PCCA: variants seen among roughly 807,000 people sequenced by gnomAD.
The protein encoded by PCCA is propionyl-CoA carboxylase alpha chain, mitochondrial.
In PCCA, 74 loss-of-function variants were observed where a neutral mutation model predicts 101.3. The observed-to-expected ratio is 0.73, with a 90% CI of 0.61 to 0.89. The LOEUF (loss-of-function observed/expected upper bound fraction) is 0.89. PCCA is among the 40% of genes least tolerant of loss of function. The pLI, the probability that PCCA is intolerant of heterozygous loss-of-function variation, is 0.00. For synonymous variants in PCCA, 294 were observed against 313.6 expected (o/e 0.94, Z 0.66); for missense variants, 891 against 907.0 (o/e 0.98, Z 0.23).
intron 18 of PCCA, among the ~76,000 whole-genome samples, chr13:100,348,795 C>CTCT (rs1566976765): frequency 1.5e-3 from 86 of 58,792 alleles, no homozygotes; most frequent in African/African-American, 2.9e-3. Context: ...TTTCTTCCTT[C>CTCT]CTTCCTTCCT....
At chr13:100,503,449 C>G (rs780912251) in intron 21 of PCCA, among the ~76,000 whole-genome samples, 12 of 152,164 alleles carry the variant, frequency 7.9e-5, no homozygotes, top group Non-Finnish European at 1.3e-4. Context: ...GAGGTTGCGC[C>G]ATTGCACTCC....
intron 18 of PCCA, among the ~76,000 whole-genome samples, chr13:100,344,238 C>G (rs181850044): frequency 6.6e-6 from 1 of 152,004 alleles, no homozygotes; most frequent in Non-Finnish European, 1.5e-5. Context: ...AAATTGTATT[C>G]GAAACTTGAG....
At chr13:100,123,212 T>G (rs1211288402) in intron 4 of PCCA, among the ~76,000 whole-genome samples, 1 of 152,130 alleles carries the variant, frequency 6.6e-6, no homozygotes, top group Non-Finnish European at 1.5e-5. Flanking sequence ...CCTGCCACCA[T>G]GCCTGGCTAG....
intron 12 of PCCA, among the ~76,000 whole-genome samples, chr13:100,288,999 T>C (rs568262384): frequency 7.0e-4 from 107 of 152,298 alleles, no homozygotes; most frequent in African/African-American, 2.5e-3. Flanking sequence ...CAGTTGTTCC[T>C]CTCTTGGCTG....
intron 21 of PCCA, among the ~76,000 whole-genome samples, chr13:100,488,923 A>G (rs568013805): frequency 6.6e-6 from 1 of 152,136 alleles, no homozygotes; most frequent in South Asian, 2.1e-4. Context: ...AGCTATTAAC[A>G]TGCCCTGAAA....
chr13:100,204,442 A>G (rs2058732499), intron 6 of PCCA, among the ~76,000 whole-genome samples: 1 of 152,154 alleles, frequency 6.6e-6, no homozygotes, highest in East Asian at 1.9e-4. Flanking sequence ...GCCCAGCCCC[A>G]TGGCTGTCTT....
chr13:100,114,561 G>T (rs1170839731), intron 4 of PCCA, among the ~76,000 whole-genome samples: 1 of 152,192 alleles, frequency 6.6e-6, no homozygotes, highest in East Asian at 1.9e-4. Flanking sequence ...TCGTGCCACT[G>T]CGCTGTAGCG....
chr13:100,152,770 G>A lies in PCCA; in HGVS notation c.301-2209G>A, dbSNP rs112414562. On this transcript the variant is annotated intron_variant, in intron 4 of 23. Coordinates refer to ENST00000376285, the MANE Select transcript of PCCA (RefSeq NM_000282.4). The stretch of plus-strand genomic sequence containing the variant: ...CTAGTTCTTGGTATGTTTATAAAAC[G>A]TTTGTGATAACATAGGAAAAATGTC... Among the ~76,000 whole-genome samples the A allele has an allele frequency of 4.5e-3, 678 of 152,172 alleles. 8 individuals carry two copies. The highest frequency in any genetic ancestry group is 0.015 in the African/African-American group (633 of 41,502).
chr13:100,412,172 ATGT>A (rs1245500627), intron 19 of PCCA, among the ~76,000 whole-genome samples: 2 of 152,144 alleles, frequency 1.3e-5, no homozygotes, highest in East Asian at 1.9e-4. Flanking sequence ...TGACAGCAAA[ATGT>A]TGTTGATAGC....
intron 21 of PCCA, 100 bp downstream of exon 21, chr13:100,449,405 A>G (rs1185589584): frequency 3.0e-6 from 2 of 663,950 alleles, no homozygotes; most frequent in Non-Finnish European, 5.3e-6. Flanking sequence ...ACTGCTAGAT[A>G]TTTAAATTAC....
At chr13:100,520,593 C>A (rs2087185412) in intron 22 of PCCA, among the ~76,000 whole-genome samples, 1 of 142,758 alleles carries the variant, frequency 7.0e-6, no homozygotes, top group Non-Finnish European at 1.5e-5. Flanking sequence ...GGAGATCGCG[C>A]CACAGCACTC....
intron 8 of PCCA, among the ~76,000 whole-genome samples, chr13:100,247,151 G>A (rs71439656): frequency 0.11 from 16,156 of 149,950 alleles, 953 homozygotes; most frequent in Middle Eastern, 0.21. Context: ...CGGGTCATCC[G>A]CCCACCTTGG....
At chr13:100,350,343 A>T (rs1251077234) in intron 18 of PCCA, among the ~76,000 whole-genome samples, 2 of 13,708 alleles carry the variant, frequency 1.5e-4, no homozygotes, top group South Asian at 9.8e-4. Flanking sequence ...ACTATACAAT[A>T]AAAAAAAATA....
chr13:100,119,518 A>C (rs1265555881), intron 4 of PCCA, among the ~76,000 whole-genome samples: 1 of 152,196 alleles, frequency 6.6e-6, no homozygotes, highest in Admixed American at 6.5e-5. Flanking sequence ...TTTTGAAGAT[A>C]ATGGGAAGAA....
intron 12 of PCCA, among the ~76,000 whole-genome samples, chr13:100,289,161 AT>A (rs1335023080): frequency 1.3e-5 from 2 of 152,072 alleles, no homozygotes; most frequent in Non-Finnish European, 2.9e-5. Context: ...TTATGTGGCT[AT>A]TTTCTTGCCT....
At position 100,528,922 on chromosome 13, in the gene PCCA, G is replaced by A. The variant is rs560799254; in HGVS notation, c.2118+1170G>A. Among the ~76,000 whole-genome samples, 340 of 152,246 alleles carry A rather than the reference G, an allele frequency of 2.2e-3. 1 individual carries two copies. Among genetic ancestry groups the A allele is most frequent in the Non-Finnish European group, 4.2e-3 (289 of 68,020 alleles). On this transcript the variant is annotated intron_variant, in intron 23 of 23. Coordinates refer to ENST00000376285, the MANE Select transcript of PCCA (RefSeq NM_000282.4). ...GGGGGACCGAGAACGTGTGTCCGCC[G>A]CATGCCAAGGGCCCTGTGCGGCAGG...
At chr13:100,402,252 T>C (rs2077411387) in intron 19 of PCCA, among the ~76,000 whole-genome samples, 1 of 152,060 alleles carries the variant, frequency 6.6e-6, no homozygotes, top group African/African-American at 2.4e-5. Flanking sequence ...TTTTGTTTTT[T>C]GTTTTTTGTT....
intron 19 of PCCA, among the ~76,000 whole-genome samples, chr13:100,419,210 G>A (rs566770147): frequency 8.9e-4 from 135 of 152,038 alleles, no homozygotes; most frequent in African/African-American, 3.1e-3. Flanking sequence ...GATGGCTCAC[G>A]CCTGTAATCC....
chr13:100,517,358 T>C (rs2086915088), intron 22 of PCCA, among the ~76,000 whole-genome samples: 1 of 152,212 alleles, frequency 6.6e-6, no homozygotes, highest in South Asian at 2.1e-4. Context: ...CCGAAAGGGT[T>C]TGGCCTTTGT....
Sources: allele counts gnomAD v4.1 joint callset (sites outside exome capture counted in the v4.1 genomes callset), GRCh38; gene constraint gnomAD v4.1.1; transcripts MANE v1.5; gene names NCBI Gene and HGNC (gene_info 2026-07-23, HGNC 2026-07-21).